USP32: variants seen among roughly 807,000 people sequenced by gnomAD.
USP32 encodes ubiquitin specific peptidase 32.
In USP32, 59 loss-of-function variants were observed where a neutral mutation model predicts 204.8. The observed-to-expected ratio is 0.29, with a 90% CI of 0.23 to 0.36. The LOEUF (loss-of-function observed/expected upper bound fraction) is 0.36. Among genes scored for constraint, USP32 ranks in the 10% least tolerant of loss-of-function variants. The pLI, the probability that USP32 is intolerant of heterozygous loss-of-function variation, is 1.00. For missense variants in USP32, 1,160 were observed against 1,946.4 expected (o/e 0.60, Z 7.60); for synonymous variants, 517 against 678.4 (o/e 0.76, Z 3.70).
intron 1 of USP32, among the ~76,000 whole-genome samples, chr17:60,385,601 G>T (rs1190155265): frequency 6.6e-6 from 1 of 152,034 alleles, no homozygotes; most frequent in Non-Finnish European, 1.5e-5. Context: ...CAGCACTTTG[G>T]GAGGCCAGCG....
intron 1 of USP32, among the ~76,000 whole-genome samples, chr17:60,375,872 T>G (rs2089530324): frequency 6.6e-6 from 1 of 152,210 alleles, no homozygotes; most frequent in East Asian, 1.9e-4. Flanking sequence ...CCTCCCAAAG[T>G]GCTCGGATTA....
chr17:60,301,780 C>A (rs1201946228), intron 2 of USP32, 76 bp from the exon 3 acceptor site: 1 of 966,520 alleles, frequency 1.0e-6, no homozygotes, highest in African/African-American at 1.7e-5. Flanking sequence ...TCATCTTTAA[C>A]AAATTTTATC....
intron 2 of USP32, among the ~76,000 whole-genome samples, chr17:60,322,627 C>CA (rs1261925541): frequency 6.6e-6 from 1 of 151,678 alleles, no homozygotes. Flanking sequence ...ACTCAGGGTT[C>CA]AAAAAAAGGA....
chr17:60,248,393 G>A (rs943414467), intron 11 of USP32, among the ~76,000 whole-genome samples: 1 of 152,088 alleles, frequency 6.6e-6, no homozygotes, highest in African/African-American at 2.4e-5. Context: ...AAGCTTCTAA[G>A]ATTAATAATT....
intron 1 of USP32, among the ~76,000 whole-genome samples, chr17:60,372,596 T>C: frequency 6.6e-6 from 1 of 150,920 alleles, no homozygotes; most frequent in Admixed American, 6.6e-5. Flanking sequence ...TCCCAGCACT[T>C]TGGAAGACTG....
intron 3 of USP32, chr17:60,301,308 C>T (rs2087567439): frequency 5.1e-6 from 1 of 194,942 alleles, no homozygotes; most frequent in Admixed American, 6.2e-5. Flanking sequence ...ACTTTATACT[C>T]CCATCAGCAA....
At chr17:60,230,799 G>A (rs925426841) in intron 12 of USP32, among the ~76,000 whole-genome samples, 2 of 152,062 alleles carry the variant, frequency 1.3e-5, no homozygotes, top group East Asian at 1.9e-4. Flanking sequence ...CTTTTCATCC[G>A]ATTAATCTTA....
At chr17:60,286,199 G>GA (rs2087106910) in intron 5 of USP32, among the ~76,000 whole-genome samples, 1 of 151,156 alleles carries the variant, frequency 6.6e-6, no homozygotes, top group Non-Finnish European at 1.5e-5. Context: ...ATGGAAAGAA[G>GA]AACAGTAGAA....
At chr17:60,237,831 A>C (rs2085772816) in intron 11 of USP32, among the ~76,000 whole-genome samples, 1 of 152,142 alleles carries the variant, frequency 6.6e-6, no homozygotes, top group South Asian at 2.1e-4. Flanking sequence ...CCATTCATCC[A>C]CTGATGGATG....
intron 1 of USP32, among the ~76,000 whole-genome samples, chr17:60,403,075 G>A (rs973002130): frequency 1.3e-5 from 2 of 151,800 alleles, no homozygotes; most frequent in African/African-American, 2.4e-5. Context: ...GCAGTGTCAC[G>A]ATCTCGGCTC....
chr17:60,399,580 C>G (rs534971397), intron 1 of USP32, among the ~76,000 whole-genome samples: 1 of 151,988 alleles, frequency 6.6e-6, no homozygotes, highest in African/African-American at 2.4e-5. Context: ...GGAGGATTGC[C>G]TGAGCCCAGG....
intron 1 of USP32, among the ~76,000 whole-genome samples, chr17:60,401,216 G>T (rs1416383482): frequency 6.6e-6 from 1 of 151,708 alleles, no homozygotes; most frequent in East Asian, 1.9e-4. Flanking sequence ...AGCACTTTGG[G>T]GGGCCAAGGT....
intron 2 of USP32, among the ~76,000 whole-genome samples, chr17:60,338,048 G>C (rs1399259875): frequency 1.3e-5 from 2 of 152,176 alleles, no homozygotes; most frequent in Non-Finnish European, 2.9e-5. Flanking sequence ...CGCAGGCAAG[G>C]CGTGGTGGCT....
chr17:60,180,835 G>A (rs1478204022), intron 32 of USP32, among the ~76,000 whole-genome samples, 198 bp from the exon 33 acceptor site: 1 of 151,518 alleles, frequency 6.6e-6, no homozygotes, highest in African/African-American at 2.4e-5. Flanking sequence ...TAAGTCTTGT[G>A]TGGATAAACA....
chr17:60,392,872 C>T (rs2089865432), upstream of USP32, among the ~76,000 whole-genome samples: 4 of 152,196 alleles, frequency 2.6e-5, no homozygotes, highest in Admixed American at 2.6e-4. Flanking sequence ...CTCTGGAAAG[C>T]GCTGTGCAAA....
At chr17:60,323,610 A>C (rs2088163375) in intron 2 of USP32, among the ~76,000 whole-genome samples, 2 of 152,204 alleles carry the variant, frequency 1.3e-5, no homozygotes, top group Admixed American at 6.5e-5. Flanking sequence ...GTGACATGTA[A>C]ATTATAGCTC....
At chr17:60,357,012 G>C (rs904053200) in intron 1 of USP32, among the ~76,000 whole-genome samples, 1 of 152,234 alleles carries the variant, frequency 6.6e-6, no homozygotes, top group Non-Finnish European at 1.5e-5. Context: ...TTCTGGAGTT[G>C]AGAAGTATGA....
intron 1 of USP32, among the ~76,000 whole-genome samples, chr17:60,349,623 AT>A (rs781732817): frequency 1.7e-3 from 110 of 65,616 alleles, no homozygotes; most frequent in African/African-American, 4.4e-3. Context: ...ATATATATAT[AT>A]TATATATATA....
chr17:60,248,217 T>C (rs891453806), intron 11 of USP32, among the ~76,000 whole-genome samples: 5 of 152,230 alleles, frequency 3.3e-5, no homozygotes, highest in East Asian at 1.9e-4. Flanking sequence ...CTGAGCTCTA[T>C]TGTTTCAAAA....
Sources: allele counts gnomAD v4.1 joint callset (sites outside exome capture counted in the v4.1 genomes callset), GRCh38; gene constraint gnomAD v4.1.1; transcripts MANE v1.5; gene names NCBI Gene and HGNC (gene_info 2026-07-23, HGNC 2026-07-21).